Variants in ATP8A2 observed in about 807,000 individuals in gnomAD.
ATP8A2 encodes the protein phospholipid-transporting ATPase IB.
Under a neutral mutation model 165.6 loss-of-function variants are expected in ATP8A2, and 100 were observed. That is an observed-to-expected ratio of 0.60 (90% CI 0.51 to 0.71). The LOEUF is 0.71. Among genes scored for constraint, ATP8A2 ranks in the 30% least tolerant of loss-of-function variants. The pLI is 0.00. For missense variants in ATP8A2, 1,227 were observed against 1,479.5 expected, an observed-to-expected ratio of 0.83 and a Z score of 2.80; for synonymous variants, 543 against 548.8, an observed-to-expected ratio of 0.99 and a Z score of 0.15.
intron 32 of ATP8A2, 51 bp from the exon 33 acceptor site, chr13:25,862,250 A>C: frequency 7.3e-7 from 1 of 1,372,626 alleles, no homozygotes; most frequent in Non-Finnish European, 1.0e-6. Context: ...GTTGGGGTGA[A>C]TCTGCCAGGC....
intron 24 of ATP8A2, among the ~76,000 whole-genome samples, chr13:25,663,004 T>C (rs2042082766): frequency 6.6e-6 from 1 of 152,218 alleles, no homozygotes; most frequent in South Asian, 2.1e-4. Context: ...ATGGCTGCCC[T>C]TCCCTGTGCA....
At chr13:25,810,500 G>A (rs1164366193) in intron 27 of ATP8A2, among the ~76,000 whole-genome samples, 2 of 149,380 alleles carry the variant, frequency 1.3e-5, no homozygotes, top group Non-Finnish European at 3.0e-5. Context: ...CTTGAGGGCA[G>A]AGAACATCTG....
At chr13:25,726,605 A>ATC (rs966060504) in intron 25 of ATP8A2, among the ~76,000 whole-genome samples, 8 of 151,328 alleles carry the variant, frequency 5.3e-5, no homozygotes, top group African/African-American at 9.7e-5. Context: ...CTGCAGTGAA[A>ATC]TCTCTCTCTC....
intron 1 of ATP8A2, among the ~76,000 whole-genome samples, chr13:25,450,174 A>G (rs929259417): frequency 1.3e-5 from 2 of 152,220 alleles, no homozygotes; most frequent in Admixed American, 6.5e-5. Context: ...TTTGTGGTGC[A>G]TAGTATTTCA....
intron 35 of ATP8A2, among the ~76,000 whole-genome samples, chr13:25,983,923 A>G (rs1202536250): frequency 2.0e-5 from 3 of 152,158 alleles, no homozygotes; most frequent in African/African-American, 4.8e-5. Context: ...GACGAGAATG[A>G]CACAGCTGAT....
At chr13:25,637,638 G>T (rs1029165365) in intron 24 of ATP8A2, among the ~76,000 whole-genome samples, 16 of 152,180 alleles carry the variant, frequency 1.1e-4, no homozygotes, top group African/African-American at 3.6e-4. Flanking sequence ...GCCTGTTGCA[G>T]CTCAAGGAGG....
intron 1 of ATP8A2, among the ~76,000 whole-genome samples, chr13:25,380,792 A>T (rs952919920): frequency 6.6e-6 from 1 of 152,178 alleles, no homozygotes; most frequent in African/African-American, 2.4e-5. Flanking sequence ...AGGGAAACCA[A>T]GGTCATGAAA....
intron 35 of ATP8A2, among the ~76,000 whole-genome samples, chr13:25,973,854 G>C (rs546325271): frequency 7.0e-4 from 107 of 152,310 alleles, no homozygotes; most frequent in South Asian, 2.7e-3. Context: ...AGTACTGGCC[G>C]TTGGCAGTGC....
rs2042542821 is a variant in ATP8A2 at position 25,683,714 on chromosome 13, C to T, written c.2212-15459C>T. 2.0e-5 allele frequency among the ~76,000 whole-genome samples: 3 copies of T among 149,400 alleles called. No individual in the cohort carries two copies. In the South Asian group the frequency reaches 6.3e-4, roughly 31 times the overall value. On this transcript the variant is annotated intron_variant, in intron 24 of 36. Transcript: ENST00000381655. ...CCTTTTTTTTTTTTTTATTATGAGT[C>T]TCTAGTCATTCTTGATTTTGTGGCA...
intron 35 of ATP8A2, among the ~76,000 whole-genome samples, chr13:25,999,398 T>C (rs1279423753): frequency 6.6e-6 from 1 of 152,130 alleles, no homozygotes; most frequent in African/African-American, 2.4e-5. Flanking sequence ...TCAGAGGCGC[T>C]CACAGGCCCC....
chr13:25,543,157 C>A (rs188043746), intron 9 of ATP8A2, 134 bp from the exon 10 acceptor site: 1 of 548,284 alleles, frequency 1.8e-6, no homozygotes, highest in African/African-American at 1.9e-5. Context: ...CCTTTGTTGT[C>A]TGTGTTTCTC....
chr13:25,726,341 G>A (rs540776922), intron 25 of ATP8A2, among the ~76,000 whole-genome samples: 8 of 152,334 alleles, frequency 5.3e-5, no homozygotes, highest in Admixed American at 3.3e-4. Context: ...GCACCTGGAC[G>A]GTGGGCATGT....
At chr13:25,426,986 G>C (rs1455823188) in intron 1 of ATP8A2, among the ~76,000 whole-genome samples, 1 of 152,078 alleles carries the variant, frequency 6.6e-6, no homozygotes, top group Admixed American at 6.6e-5. Context: ...GTCAGTATCA[G>C]TTCATCACTT....
At chr13:25,748,236 T>C (rs2138183716) in intron 25 of ATP8A2, among the ~76,000 whole-genome samples, 1 of 152,320 alleles carries the variant, frequency 6.6e-6, no homozygotes, top group East Asian at 1.9e-4. Flanking sequence ...AAGGAGATGA[T>C]AGGATTTTCC....
intron 1 of ATP8A2, among the ~76,000 whole-genome samples, chr13:25,408,667 G>C (rs1425933009): frequency 9.5e-6 from 1 of 105,228 alleles, no homozygotes; most frequent in Admixed American, 9.5e-5. Context: ...TCTACACTAA[G>C]CCCTAAACTC....
chr13:25,457,056 C>T lies in ATP8A2; in HGVS notation c.77-11921C>T, dbSNP rs1886436. On this transcript the variant is annotated intron_variant, in intron 1 of 36. Transcript: ENST00000381655. ...ATTTGTGTAGGGCCACGTTCAAAGC[C>T]GTTCTGGGCTACATGTGGCTTGTGG... Among the ~76,000 whole-genome samples the T allele has an allele frequency of 9.9e-3, 1,500 of 152,210 alleles. 21 individuals are homozygous for T. Among genetic ancestry groups the T allele is most frequent in the African/African-American group, 0.032 (1,333 of 41,528 alleles).
rs772406913 is a variant in ATP8A2 at position 25,961,675 on chromosome 13, A to C, written c.3272+12A>C. ...GTGGCATGGAGAGCGTAAGTTTAACAGTGAAGCGGGGACCCTAAGTCTGGC... is the reference window on the plus strand; with the variant it reads ...GTGGCATGGAGAGCGTAAGTTTAACCGTGAAGCGGGGACCCTAAGTCTGGC... On this transcript the variant is annotated intron_variant, in intron 34 of 36. Transcript: ENST00000381655. 1 of 1,599,836 alleles carries C rather than the reference A, an allele frequency of 6.3e-7. No individual in the cohort carries two copies. The highest frequency in any genetic ancestry group is 1.1e-5 in the South Asian group (1 of 90,796).
rs1382205282 is a variant in ATP8A2 at position 25,770,573 on chromosome 13, G to A, written c.2568+1344G>A. 3.3e-5 allele frequency among the ~76,000 whole-genome samples: 5 copies of A among 152,078 alleles called. No individual in the cohort carries two copies. The South Asian group carries it at 6.2e-4, about 19-fold the overall frequency. ...TAAAACTCCAGTCTCCCTCACAGCC[G>A]GCTCTGCATGAATTACTCTTTCTCT... On this transcript the variant is annotated intron_variant, in intron 26 of 36. Transcript: ENST00000381655.
chr13:26,013,325 T>TA (rs1470263288), intron 36 of ATP8A2, among the ~76,000 whole-genome samples: 2 of 152,120 alleles, frequency 1.3e-5, no homozygotes, highest in Non-Finnish European at 2.9e-5. Flanking sequence ...CTCCCATACT[T>TA]ACTCCCTGCC....
Sources: gnomAD v4.1 joint callset for allele counts (sites outside exome capture counted in the v4.1 genomes callset) on GRCh38, gnomAD v4.1.1 for gene constraint, MANE v1.5 for transcripts, NCBI Gene and HGNC (gene_info 2026-07-23, HGNC 2026-07-21) for gene names.